Variants in MIIP observed in about 807,000 individuals in gnomAD.
MIIP encodes migration and invasion inhibitory protein.
A neutral mutation model predicts 44.8 loss-of-function variants in MIIP; 44 were observed. That is an observed-to-expected ratio of 0.98 (90% CI 0.77 to 1.26). The LOEUF is 1.26. MIIP is among the 50% of genes most tolerant of loss of function. MIIP has a pLI of 0.00. For synonymous variants in MIIP, 225 were observed against 218.3 expected (o/e 1.03, Z -0.27); for missense variants, 496 against 511.7 (o/e 0.97, Z 0.30).
Position 12,031,794 on chromosome 1 carries a change from C to T in MIIP, c.1153C>T (p.Arg385Trp), listed in dbSNP as rs150645291. 5.5e-4 allele frequency: 887 copies of T among 1,613,824 alleles called. 3 individuals carry two copies. In the African/African-American group the frequency reaches 0.01, roughly 19 times the overall value. Reference protein sequence around the residue: ...VPQVPRPHVPRQKP With the variant: ...VPQVPRPHVPWQKP ...CCAGGTCCCTCGGCCCCACGTCCCA[C>T]GGCAGAAGCCCTGAGGACTGACTCC... Residue 385 changes from arginine (R) to tryptophan (W), a missense_variant, in exon 10 of 10, where the codon CGG (arginine) becomes TGG (tryptophan). By Grantham distance (101) the Arg-to-Trp change is moderately radical. Coordinates refer to ENST00000235332, the MANE Select transcript of MIIP (RefSeq NM_021933.4).
chr1:12,025,892 T>C (rs1304803684), intron 4 of MIIP, among the ~76,000 whole-genome samples: 12 of 151,776 alleles, frequency 7.9e-5, no homozygotes, highest in Admixed American at 7.9e-4. Context: ...GAGACGGGGT[T>C]TCACCATGTT....
chr1:12,023,545 A>G (rs1202844666), intron 4 of MIIP, among the ~76,000 whole-genome samples: 2 of 151,644 alleles, frequency 1.3e-5, no homozygotes, highest in Non-Finnish European at 2.9e-5. Flanking sequence ...CTGGGACTAC[A>G]GGTGCCTGCC....
intron 4 of MIIP, among the ~76,000 whole-genome samples, chr1:12,024,500 G>A (rs975309805): frequency 1.3e-5 from 2 of 152,008 alleles, no homozygotes; most frequent in Admixed American, 6.6e-5. Context: ...TGCAACCTCC[G>A]CCTCCTGGGT....
chr1:12,022,069 C>G (rs371479282), intron 2 of MIIP, 26 bp from the exon 3 acceptor site: 1 of 1,604,568 alleles, frequency 6.2e-7, no homozygotes, highest in Non-Finnish European at 8.5e-7. Context: ...CAGCCACTCC[C>G]TGGGTGACCC....
At position 12,022,114 on chromosome 1, in the gene MIIP, G is replaced by A; in HGVS notation, c.134G>A (p.Ser45Asn). Residue 45 changes from serine (S) to asparagine (N), a missense_variant, in exon 3 of 10, where the codon AGC (serine) becomes AAC (asparagine). Ser to Asn is a conservative substitution (Grantham distance 46). Transcript: ENST00000235332. Reference sequence around the variant, plus strand: ...CTCCAGTCAAGCCTGGAATCCAGCAGCAGCTACAACTCAGAGACTCCATCG... The same window carrying A: ...CTCCAGTCAAGCCTGGAATCCAGCAACAGCTACAACTCAGAGACTCCATCG... The part of the protein sequence containing the change: ...AASESSLESS[S>N]SYNSETPSTP... 1 of 1,613,956 alleles carries A rather than the reference G, an allele frequency of 6.2e-7. No individual in the cohort carries two copies. The highest frequency in any genetic ancestry group is 2.2e-5 in the East Asian group (1 of 44,884).
intron 8 of MIIP, 200 bp from the exon 9 acceptor site, chr1:12,031,066 G>C (rs1640230076): frequency 3.2e-6 from 2 of 626,784 alleles, no homozygotes; most frequent in Admixed American, 6.0e-5. Flanking sequence ...TCCCATTTCA[G>C]CTCTCAGGGC....
chr1:12,026,428 G>T (rs1640105771), intron 4 of MIIP, among the ~76,000 whole-genome samples: 1 of 152,138 alleles, frequency 6.6e-6, no homozygotes, highest in Admixed American at 6.5e-5. Context: ...CTGGGAAAAT[G>T]GAAGCGCCTG....
At chr1:12,020,747 G>A (rs776629147) in intron 1 of MIIP, among the ~76,000 whole-genome samples, 3 of 152,072 alleles carry the variant, frequency 2.0e-5, no homozygotes, top group Admixed American at 6.5e-5. Flanking sequence ...GCAATGGTGC[G>A]ATCTCGGCTC....
chr1:12,031,428 C>G lies in MIIP; in HGVS notation c.1080+25C>G, dbSNP rs780652978. ...GGTACGGTCCAGATCGCATCCTAGCCTGGGGTGCCCCCTAGAGGGACAGAG... is the reference window on the plus strand; with the variant it reads ...GGTACGGTCCAGATCGCATCCTAGCGTGGGGTGCCCCCTAGAGGGACAGAG... On this transcript the variant is annotated intron_variant, in intron 9 of 9. Coordinates refer to ENST00000235332, the MANE Select transcript of MIIP (RefSeq NM_021933.4). The G allele has an allele frequency of 2.5e-6, 4 of 1,606,342 alleles. No individual in the cohort carries two copies. In the African/African-American group the frequency reaches 5.4e-5, roughly 22 times the overall value.
In MIIP at chr1:12,031,400, C is replaced by T; in HGVS notation, c.1077C>T (p.His359=). The change falls in exon 9 of 10, where the codon CAC becomes CAT. Residue 359 remains histidine, a synonymous_variant. Transcript: ENST00000235332. ...QKLSGTSSPF[H]PASPMQMLPP... is the part of the protein sequence containing the mutation. The stretch of plus-strand genomic sequence containing the variant: ...TGTCCGGCACCAGCAGCCCTTTTCA[C>T]CCGGTACGGTCCAGATCGCATCCTA... 6.2e-7 allele frequency: 1 copy of T among 1,613,518 alleles called. No individual in the cohort carries two copies. Among genetic ancestry groups the T allele is most frequent in the Non-Finnish European group, 8.5e-7 (1 of 1,179,800 alleles).
At chr1:12,028,176 C>T (rs1215961724) in intron 4 of MIIP, among the ~76,000 whole-genome samples, 1 of 152,218 alleles carries the variant, frequency 6.6e-6, no homozygotes, top group African/African-American at 2.4e-5. Flanking sequence ...CACTGCACTG[C>T]ACCCTGGGCA....
chr1:12,031,679 C>T, intron 9 of MIIP, 43 bp from the exon 10 acceptor site: 1 of 1,613,910 alleles, frequency 6.2e-7, no homozygotes. Context: ...ATGACCTGTC[C>T]CTTTCAAGTG....
chr1:12,031,133 G>C (rs1222072698), intron 8 of MIIP, 133 bp from the exon 9 acceptor site: 2 of 1,104,928 alleles, frequency 1.8e-6, no homozygotes, highest in Non-Finnish European at 2.6e-6. Context: ...GTAGTCTTGT[G>C]GGTAGACACA....
At chr1:12,021,605 G>C in intron 1 of MIIP, 40 bp from the exon 2 acceptor site, 1 of 788,550 alleles carries the variant, frequency 1.3e-6, no homozygotes, top group South Asian at 1.6e-5. Context: ...GCACCACAGG[G>C]CACCCTACTG....
chr1:12,031,695 C>T (rs759464185), intron 9 of MIIP, 27 bp from the exon 10 acceptor site: 2 of 1,614,034 alleles, frequency 1.2e-6, no homozygotes, highest in Admixed American at 3.3e-5. Flanking sequence ...AAGTGGCCCC[C>T]CTGAGACTTC....
chr1:12,021,552 G>T, intron 1 of MIIP, 93 bp from the exon 2 acceptor site: 1 of 600,250 alleles, frequency 1.7e-6, no homozygotes. Context: ...TAAATAACTT[G>T]CCTGAGGCAG....
At chr1:12,029,676 T>C (rs967280620) in intron 6 of MIIP, 89 bp from the exon 7 acceptor site, 105 of 1,520,744 alleles carry the variant, frequency 6.9e-5, no homozygotes, top group Non-Finnish European at 1.4e-5. Flanking sequence ...TGGCAGCTTG[T>C]GTGGTTGGGG....
chr1:12,029,610 G>A, intron 6 of MIIP, 155 bp from the exon 7 acceptor site: 1 of 1,105,526 alleles, frequency 9.0e-7, no homozygotes, highest in Non-Finnish European at 1.3e-6. Flanking sequence ...GTGGGCCCCA[G>A]GTTCTGGGAG....
At chr1:12,028,971 G>C in intron 4 of MIIP, 62 bp from the exon 5 acceptor site, 1 of 1,382,746 alleles carries the variant, frequency 7.2e-7, no homozygotes, top group South Asian at 1.2e-5. Flanking sequence ...GCCTTGGCCG[G>C]TGGCCACACA....
Sources: gnomAD v4.1 joint callset for allele counts (sites outside exome capture counted in the v4.1 genomes callset) on GRCh38, gnomAD v4.1.1 for gene constraint, MANE v1.5 for transcripts, NCBI Gene and HGNC (gene_info 2026-07-23, HGNC 2026-07-21) for gene names.